The following RIMS2 variants were observed in gnomAD, a reference collection of about 807,000 sequenced individuals.
RIMS2 encodes the protein regulating synaptic membrane exocytosis protein 2.
RIMS2 carries 59 observed loss-of-function variants against 174.4 expected under a neutral mutation model. The observed-to-expected ratio is 0.34, with a 90% CI of 0.27 to 0.42. RIMS2 has a LOEUF of 0.42. RIMS2 is among the 10% of genes least tolerant of loss of function. RIMS2 has a pLI of 1.00. For synonymous variants in RIMS2, 606 were observed against 572.5 expected (o/e 1.06, Z -0.84); for missense variants, 1,620 against 1,666.3 (o/e 0.97, Z 0.48).
At chr8:103,576,812 C>G (rs2093275985) in intron 1 of RIMS2, among the ~76,000 whole-genome samples, 1 of 152,118 alleles carries the variant, frequency 6.6e-6, no homozygotes, top group South Asian at 2.1e-4. Context: ...CTAACAAAAA[C>G]AAGCAATGGG....
At chr8:103,682,791 T>C (rs1004424998) in intron 1 of RIMS2, among the ~76,000 whole-genome samples, 3 of 152,300 alleles carry the variant, frequency 2.0e-5, no homozygotes, top group Admixed American at 2.0e-4. Context: ...CAAATTACTG[T>C]CTTATCAAGA....
At chr8:103,934,699 CT>C (rs398068108) in intron 12 of RIMS2, among the ~76,000 whole-genome samples, 268 of 139,888 alleles carry the variant, frequency 1.9e-3, no homozygotes, top group Admixed American at 2.5e-3. Context: ...ATAAACCATT[CT>C]TTTTTTTTTT....
chr8:104,239,586 T>A (rs1018635483), intron 19 of RIMS2, among the ~76,000 whole-genome samples: 4 of 152,304 alleles, frequency 2.6e-5, no homozygotes, highest in South Asian at 2.1e-4. Flanking sequence ...TATACTTTTT[T>A]AAATGTACAC....
At chr8:103,731,151 A>G (rs1438063562) in intron 2 of RIMS2, among the ~76,000 whole-genome samples, 1 of 152,176 alleles carries the variant, frequency 6.6e-6, no homozygotes, top group African/African-American at 2.4e-5. Flanking sequence ...CCTATGATAC[A>G]TGGGAATTGT....
intron 19 of RIMS2, among the ~76,000 whole-genome samples, chr8:104,053,170 A>C (rs1194439044): frequency 6.6e-6 from 1 of 152,226 alleles, no homozygotes; most frequent in Admixed American, 6.5e-5. Flanking sequence ...AAGTCACCAC[A>C]AATTAAGTAG....
chr8:103,700,328 T>C (rs1010105535), intron 2 of RIMS2, among the ~76,000 whole-genome samples: 18 of 152,054 alleles, frequency 1.2e-4, no homozygotes, highest in African/African-American at 3.9e-4. Flanking sequence ...ATATTCTTTA[T>C]TTTTGGTAAT....
At chr8:104,101,657 T>C (rs993687335) in intron 19 of RIMS2, among the ~76,000 whole-genome samples, 2 of 152,164 alleles carry the variant, frequency 1.3e-5, no homozygotes, top group African/African-American at 4.8e-5. Context: ...TTTCTTTCTT[T>C]TATTTTGTGT....
At chr8:103,931,386 G>C in exon 12 of RIMS2, 2 of 1,591,544 alleles carry the variant, frequency 1.3e-6, no homozygotes, top group Non-Finnish European at 1.7e-6. Flanking sequence ...CTTTCTTCCA[G>C]ACAGAAGGTA....
chr8:104,245,860 A>G (rs1238049744), intron 20 of RIMS2, among the ~76,000 whole-genome samples: 1 of 152,238 alleles, frequency 6.6e-6, no homozygotes. Context: ...ACAACAACAT[A>G]AATACAAGAG....
rs1554653342 is a variant in RIMS2, at chr8:103,587,409, GA to G, written c.176+86349del. On this transcript the variant is annotated intron_variant, in intron 1 of 23. Coordinates refer to ENST00000504942, the Ensembl canonical transcript of RIMS2. ...CCAAAGACACATCAGGAAGAAAAAAGAAGAAAGAAAGAAAGAAAGAAAGAAA... is the reference window on the plus strand; with the variant it reads ...CCAAAGACACATCAGGAAGAAAAAAGAGAAAGAAAGAAAGAAAGAAAGAAA... Among the ~76,000 whole-genome samples, 3 of 117,148 alleles carry G rather than the reference GA, an allele frequency of 2.6e-5. No individual in the cohort carries two copies. In the East Asian group the frequency reaches 7.5e-4, roughly 29 times the overall value. The allele number at this position is 117,148 out of a possible 152,430, so 76.9% of individuals were successfully genotyped here.
intron 19 of RIMS2, among the ~76,000 whole-genome samples, chr8:104,198,515 G>A (rs2099037306): frequency 6.6e-6 from 1 of 152,102 alleles, no homozygotes; most frequent in Admixed American, 6.6e-5. Context: ...TAACCAATGG[G>A]TACCCAGAAC....
intron 19 of RIMS2, among the ~76,000 whole-genome samples, chr8:104,032,977 C>G (rs2096432640): frequency 6.6e-6 from 1 of 151,790 alleles, no homozygotes; most frequent in African/African-American, 2.4e-5. Context: ...AATGATTAAG[C>G]TATTACAATT....
At chr8:104,148,712 T>C (rs940401157) in intron 19 of RIMS2, 2 of 1,598,390 alleles carry the variant, frequency 1.3e-6, no homozygotes, top group East Asian at 2.2e-5. Flanking sequence ...AGAAGAATGA[T>C]GGCAGCCAGT....
At chr8:103,505,787 A>G (rs946198454) in intron 1 of RIMS2, among the ~76,000 whole-genome samples, 1 of 152,186 alleles carries the variant, frequency 6.6e-6, no homozygotes, top group Non-Finnish European at 1.5e-5. Flanking sequence ...TTTCAATGAA[A>G]AAGATGCCAC....
chr8:104,022,606 C>G (rs961326809), intron 19 of RIMS2, among the ~76,000 whole-genome samples: 4 of 152,076 alleles, frequency 2.6e-5, no homozygotes, highest in Non-Finnish European at 5.9e-5. Context: ...GTCTCAAACT[C>G]CTGACCTCAG....
chr8:104,001,156 T>C (rs2095369344), intron 17 of RIMS2, among the ~76,000 whole-genome samples: 1 of 151,778 alleles, frequency 6.6e-6, no homozygotes, highest in African/African-American at 2.4e-5. Flanking sequence ...AGGAATAAAA[T>C]CTAGTGTTCA....
chr8:104,090,505 T>A (rs534462131), intron 19 of RIMS2, among the ~76,000 whole-genome samples: 1 of 151,552 alleles, frequency 6.6e-6, no homozygotes, highest in African/African-American at 2.4e-5. Flanking sequence ...GAAAAGCAAA[T>A]TGGACAAAAA....
chr8:104,046,899 A>G (rs1284342957), intron 19 of RIMS2, among the ~76,000 whole-genome samples: 1 of 150,184 alleles, frequency 6.7e-6, no homozygotes, highest in African/African-American at 2.4e-5. Context: ...AATATTTTAT[A>G]TAAGCTTAAG....
chr8:103,897,112 C>T lies in RIMS2; in HGVS notation c.1624+10889C>T, dbSNP rs148292543. On this transcript the variant is annotated intron_variant, in intron 4 of 23. Coordinates refer to ENST00000504942, the Ensembl canonical transcript of RIMS2. ...TATTTTCACAAACCACTTCTCCAGACATCCTTTTCTTCAATCTTGTGAATT... is the reference window on the plus strand; with the variant it reads ...TATTTTCACAAACCACTTCTCCAGATATCCTTTTCTTCAATCTTGTGAATT... Among the ~76,000 whole-genome samples, 514 of 151,782 alleles carry T rather than the reference C, an allele frequency of 3.4e-3. 17 individuals carry two copies. The highest frequency in any genetic ancestry group is 0.012 in the African/African-American group (489 of 41,150).
Sources: allele counts gnomAD v4.1 joint callset (sites outside exome capture counted in the v4.1 genomes callset), GRCh38; gene constraint gnomAD v4.1.1; transcripts MANE v1.5; gene names NCBI Gene and HGNC (gene_info 2026-07-23, HGNC 2026-07-21).